PDHX: variants seen among roughly 807,000 people sequenced by gnomAD.
The protein encoded by PDHX is pyruvate dehydrogenase complex component X, also known as pyruvate dehydrogenase protein X component, mitochondrial.
A neutral mutation model predicts 55.3 loss-of-function variants in PDHX; 33 were observed. The ratio of observed to expected loss-of-function variants is 0.60; its 90% confidence interval spans 0.45 to 0.80. PDHX has a LOEUF of 0.80. Among genes scored for constraint, PDHX ranks in the 30% least tolerant of loss-of-function variants. The pLI, the probability that PDHX is intolerant of heterozygous loss-of-function variation, is 0.00. For missense variants in PDHX, 622 were observed against 619.9 expected, an observed-to-expected ratio of 1.00 and a Z score of -0.04; for synonymous variants, 226 against 219.4, an observed-to-expected ratio of 1.03 and a Z score of -0.27.
At chr11:34,940,619 A>T (rs1854450880) in intron 2 of PDHX, among the ~76,000 whole-genome samples, 1 of 152,216 alleles carries the variant, frequency 6.6e-6, no homozygotes, top group African/African-American at 2.4e-5. Context: ...GATTTTTAAT[A>T]AATATATGGA....
chr11:34,928,066 C>T (rs12283435), intron 1 of PDHX, among the ~76,000 whole-genome samples: 1,618 of 151,986 alleles, frequency 0.011, 25 homozygotes, highest in African/African-American at 0.037. Context: ...TCCTTAATGT[C>T]AAGAGTAATG....
intron 7 of PDHX, among the ~76,000 whole-genome samples, chr11:34,971,333 C>T (rs1368209616): frequency 6.6e-6 from 1 of 152,026 alleles, no homozygotes; most frequent in Non-Finnish European, 1.5e-5. Flanking sequence ...ACTAGGACCT[C>T]TGTCTGGTAT....
chr11:34,970,109 TTTAACGGACAGGTTGCTGTC>T lies in PDHX; in HGVS notation c.817-27_817-8del, dbSNP rs779738808. On this transcript the variant is annotated splice_polypyrimidine_tract_variant and intron_variant, in intron 6 of 10. Transcript: ENST00000227868. ...TTTTATTTTTCTATTCCACTTGTGG[TTTAACGGACAGGTTGCTGTC>T]TTTTTGCAGGGCACATTCACTGAAA... The T allele has an allele frequency of 6.2e-7, 1 of 1,608,496 alleles. No individual in the cohort carries two copies. The highest frequency in any genetic ancestry group is 1.1e-5 in the South Asian group (1 of 90,952).
Position 34,960,444 on chromosome 11 carries a change from C to T in PDHX, c.567C>T (p.Arg189=), listed in dbSNP as rs1234788439. ...TLRFRLSPAA[R]NILEKHSLDA... is the part of the protein sequence containing the mutation. ...GGTTCCGTTTAAGTCCAGCTGCCCG[C>T]AATATTCTGGAAAAACACTCACTGG... The change falls in exon 5 of 11, where the codon CGC becomes CGT. Residue 189 remains arginine (R), a synonymous_variant. Coordinates refer to ENST00000227868, the MANE Select transcript of PDHX (RefSeq NM_003477.3). The T allele has an allele frequency of 6.2e-7, 1 of 1,613,170 alleles. No individual in the cohort carries two copies. Among genetic ancestry groups the T allele is most frequent in the Admixed American group, 1.7e-5 (1 of 59,992 alleles).
At chr11:34,919,298 T>G (rs1038105026) in intron 1 of PDHX, among the ~76,000 whole-genome samples, 2 of 152,328 alleles carry the variant, frequency 1.3e-5, no homozygotes, top group Admixed American at 6.5e-5. Context: ...TACGGTGGTG[T>G]TTTTTCTCTG....
At chr11:34,964,795 CTATTAG>C (rs1565162657) in intron 5 of PDHX, among the ~76,000 whole-genome samples, 5 of 27,424 alleles carry the variant, frequency 1.8e-4, no homozygotes, top group Non-Finnish European at 7.4e-4. Flanking sequence ...CTAATATTAG[CTATTAG>C]CATAACTAAT....
At chr11:34,991,522 T>G (rs1471843492) in intron 9 of PDHX, among the ~76,000 whole-genome samples, 1 of 152,154 alleles carries the variant, frequency 6.6e-6, no homozygotes, top group African/African-American at 2.4e-5. Context: ...AGATTGTGGA[T>G]AAAGATGAAG....
upstream of PDHX, chr11:34,915,954 C>T (rs1262354712): frequency 1.8e-6 from 1 of 560,654 alleles, no homozygotes; most frequent in African/African-American, 2.0e-5. Context: ...GTCACCTAAA[C>T]GCTCTCCTCT....
At chr11:34,920,599 A>G (rs955739786) in intron 1 of PDHX, among the ~76,000 whole-genome samples, 1 of 152,190 alleles carries the variant, frequency 6.6e-6, no homozygotes, top group African/African-American at 2.4e-5. Flanking sequence ...GTTAAATCCT[A>G]TGTGGTGACA....
rs147215008 is a variant in PDHX, at chr11:34,966,542, T to G, written c.642-98T>G. 7,586 of 1,114,992 alleles carry G rather than the reference T, an allele frequency of 6.8e-3. 44 individuals are homozygous for G. Among genetic ancestry groups the G allele is most frequent in the Non-Finnish European group, 9.3e-3 (6,729 of 725,712 alleles). 69.1% of individuals were successfully genotyped at this position (1,114,992 alleles called of 1,614,324 possible). ...TAATTATAACCTTGACATCTGTATA[T>G]TTCTGTATCTTTTCTCCACATCTCA... On this transcript the variant is annotated intron_variant, in intron 5 of 10. Coordinates refer to ENST00000227868, the MANE Select transcript of PDHX (RefSeq NM_003477.3).
chr11:34,918,276 T>TAAAAAAAA, intron 1 of PDHX, among the ~76,000 whole-genome samples: 1 of 142,384 alleles, frequency 7.0e-6, no homozygotes, highest in Non-Finnish European at 1.5e-5. Flanking sequence ...CGTCTCTACT[T>TAAAAAAAA]AAAAAAAAAA....
At chr11:34,951,876 A>G (rs1201612844) in intron 3 of PDHX, among the ~76,000 whole-genome samples, 3 of 152,118 alleles carry the variant, frequency 2.0e-5, no homozygotes, top group Non-Finnish European at 4.4e-5. Context: ...ATTTTTGTAT[A>G]CAGTGTAAGG....
intron 3 of PDHX, among the ~76,000 whole-genome samples, chr11:34,949,516 C>T (rs534688148): frequency 4.6e-5 from 7 of 152,194 alleles, no homozygotes; most frequent in African/African-American, 1.2e-4. Context: ...GGATTATAGG[C>T]GTGAACCACC....
At chr11:34,975,799 C>G (rs1855356660) in intron 7 of PDHX, among the ~76,000 whole-genome samples, 1 of 152,134 alleles carries the variant, frequency 6.6e-6, no homozygotes, top group African/African-American at 2.4e-5. Flanking sequence ...TGTAATTTAT[C>G]CTGCTTTTTC....
chr11:34,987,948 A>C (rs1038510691), intron 9 of PDHX, among the ~76,000 whole-genome samples: 10 of 152,158 alleles, frequency 6.6e-5, no homozygotes, highest in Non-Finnish European at 1.2e-4. Flanking sequence ...ATCCCCCAAA[A>C]AGGGTAGACA....
chr11:34,971,995 A>G (rs956002989), intron 7 of PDHX, among the ~76,000 whole-genome samples: 1 of 151,394 alleles, frequency 6.6e-6, no homozygotes, highest in Non-Finnish European at 1.5e-5. Context: ...TGTGTCATCT[A>G]AGTCACCAGA....
At chr11:34,943,056 G>GT (rs5791024) in intron 2 of PDHX, among the ~76,000 whole-genome samples, 90,294 of 151,862 alleles carry the variant, frequency 0.59, 28,056 homozygotes, top group East Asian at 0.74. Context: ...AAGTTATCAT[G>GT]TTTTTTTCTA....
At chr11:34,965,902 C>CA (rs969770427) in intron 5 of PDHX, among the ~76,000 whole-genome samples, 53 of 151,958 alleles carry the variant, frequency 3.5e-4, no homozygotes, top group African/African-American at 1.2e-3. Context: ...TAAAATGTTC[C>CA]AAAAATTATT....
intron 9 of PDHX, among the ~76,000 whole-genome samples, chr11:34,991,783 G>C (rs187165656): frequency 6.6e-6 from 1 of 151,628 alleles, no homozygotes; most frequent in South Asian, 2.1e-4. Context: ...GGCGGTGGGT[G>C]CCTGAAATCT....
Sources: allele counts gnomAD v4.1 joint callset (sites outside exome capture counted in the v4.1 genomes callset), GRCh38; gene constraint gnomAD v4.1.1; transcripts MANE v1.5; gene names NCBI Gene and HGNC (gene_info 2026-07-23, HGNC 2026-07-21).